The following STK32B variants were observed in gnomAD, a reference collection of about 807,000 sequenced individuals.
STK32B encodes the protein serine/threonine kinase 32B, also known as serine/threonine-protein kinase 32B.
A neutral mutation model predicts 52.6 loss-of-function variants in STK32B; 43 were observed. The ratio of observed to expected loss-of-function variants is 0.82; its 90% CI spans 0.64 to 1.05. The LOEUF (loss-of-function observed/expected upper bound fraction) is 1.05. STK32B is among the 50% of genes least tolerant of loss of function. The probability of loss-of-function intolerance (pLI) is 0.00; values close to 1 mark genes in which losing one functional copy is unlikely to be tolerated. For synonymous variants in STK32B, 238 were observed against 204.3 expected, an observed-to-expected ratio of 1.17 and a Z score of -1.41; for missense variants, 621 against 534.6, an observed-to-expected ratio of 1.16 and a Z score of -1.59.
Position 5,051,876 on chromosome 4 carries a change from C to A in STK32B, c.13C>A (p.His5Asn). Residue 5 changes from histidine to asparagine, a missense_variant, in exon 1 of 12, where the codon CAC becomes AAC. Transcript: ENST00000282908. ...GCAACGGCGGAATATGGGCGGGAAC[C>A]ACTCCCACAAGCCCCCCGTGTTTGA... MGGNHSHKPPVFDEN... is the reference protein window; with the variant it reads MGGNNSHKPPVFDEN... The A allele has an allele frequency of 1.3e-6, 2 of 1,599,978 alleles. No individual in the cohort carries two copies. The highest frequency in any genetic ancestry group is 1.7e-6 in the Non-Finnish European group (2 of 1,173,802).
intron 1 of STK32B, among the ~76,000 whole-genome samples, chr4:5,055,734 C>T (rs77500452): frequency 0.012 from 1,764 of 152,232 alleles, 30 homozygotes; most frequent in African/African-American, 0.04. Context: ...GGCACCTGCC[C>T]CTCTTGCCCG....
chr4:5,159,566 A>AAT (rs1274132084), intron 2 of STK32B, among the ~76,000 whole-genome samples: 3 of 69,162 alleles, frequency 4.3e-5, no homozygotes, highest in East Asian at 9.1e-4. Flanking sequence ...TATATGAATG[A>AAT]ATATATATGA....
chr4:5,231,100 C>T (rs183528702), intron 3 of STK32B, among the ~76,000 whole-genome samples: 344 of 152,198 alleles, frequency 2.3e-3, no homozygotes, highest in Non-Finnish European at 3.9e-3. Flanking sequence ...GAGGACCCCA[C>T]TGCATGTGAG....
intron 4 of STK32B, among the ~76,000 whole-genome samples, chr4:5,338,241 C>G (rs765062728): frequency 1.6e-4 from 24 of 152,090 alleles, no homozygotes; most frequent in Non-Finnish European, 3.4e-4. Context: ...CAGAAACAAA[C>G]ACAGCAAAAT....
At chr4:5,348,479 G>A (rs1733610219) in intron 4 of STK32B, among the ~76,000 whole-genome samples, 1 of 152,158 alleles carries the variant, frequency 6.6e-6, no homozygotes, top group African/African-American at 2.4e-5. Flanking sequence ...AACCAAGGAG[G>A]GAGCAACTGG....
chr4:5,444,694 A>G (rs761720842), intron 6 of STK32B, among the ~76,000 whole-genome samples: 3 of 152,246 alleles, frequency 2.0e-5, no homozygotes, highest in Non-Finnish European at 4.4e-5. Context: ...TGGAGCACTC[A>G]CTACGGGCCA....
intron 4 of STK32B, among the ~76,000 whole-genome samples, chr4:5,382,021 C>T (rs1014032135): frequency 6.6e-6 from 1 of 152,190 alleles, no homozygotes; most frequent in Non-Finnish European, 1.5e-5. Context: ...AATCCAAAGG[C>T]CATCTGCTGG....
chr4:5,385,878 C>T (rs1736215963), intron 4 of STK32B, among the ~76,000 whole-genome samples: 1 of 151,032 alleles, frequency 6.6e-6, no homozygotes, highest in South Asian at 2.1e-4. Context: ...CACCTACAAC[C>T]TCACCCACAG....
chr4:5,233,921 T>C (rs1394964565), intron 3 of STK32B, among the ~76,000 whole-genome samples: 1 of 152,030 alleles, frequency 6.6e-6, no homozygotes, highest in Admixed American at 6.6e-5. Context: ...GGAAATGAGA[T>C]GGCCGGAGTG....
chr4:5,268,533 GGT>G (rs200867233), intron 3 of STK32B, among the ~76,000 whole-genome samples: 8 of 136,964 alleles, frequency 5.8e-5, no homozygotes, highest in Admixed American at 1.6e-4. Context: ...GAAGTTGCTT[GGT>G]GTGGTGTGTG....
intron 3 of STK32B, among the ~76,000 whole-genome samples, chr4:5,275,189 C>A (rs1230581669): frequency 6.6e-6 from 1 of 151,964 alleles, no homozygotes; most frequent in South Asian, 2.1e-4. Flanking sequence ...GGAGCAAGGA[C>A]CCCCCCAGTT....
intron 6 of STK32B, among the ~76,000 whole-genome samples, chr4:5,444,667 G>A (rs937136098): frequency 3.3e-5 from 5 of 152,200 alleles, no homozygotes; most frequent in African/African-American, 1.2e-4. Context: ...TTGACTGTTA[G>A]TAATGCCTAA....
intron 11 of STK32B, among the ~76,000 whole-genome samples, chr4:5,481,323 C>G (rs959825144): frequency 6.6e-6 from 1 of 152,188 alleles, no homozygotes; most frequent in African/African-American, 2.4e-5. Flanking sequence ...TTGCATTTCT[C>G]TGATGGCCAG....
At chr4:5,217,202 T>G (rs1723231559) in intron 3 of STK32B, among the ~76,000 whole-genome samples, 2 of 152,208 alleles carry the variant, frequency 1.3e-5, no homozygotes. Context: ...CTAAAATGAT[T>G]TAGAGGAGGC....
intron 4 of STK32B, among the ~76,000 whole-genome samples, chr4:5,391,202 T>C (rs1736577987): frequency 2.0e-5 from 3 of 151,948 alleles, no homozygotes; most frequent in Non-Finnish European, 4.4e-5. Flanking sequence ...CCTCATGATC[T>C]ACCTGCCTTG....
intron 3 of STK32B, among the ~76,000 whole-genome samples, chr4:5,243,810 G>T (rs1184495625): frequency 1.3e-5 from 2 of 152,054 alleles, no homozygotes; most frequent in African/African-American, 4.8e-5. Context: ...TTTTGTCAAA[G>T]GCCTTTTCTG....
chr4:5,317,176 TA>T (rs1428574579), intron 3 of STK32B, among the ~76,000 whole-genome samples: 28 of 49,744 alleles, frequency 5.6e-4, no homozygotes, highest in African/African-American at 3.0e-3. Flanking sequence ...ATATAACATA[TA>T]ATATATATAT....
chr4:5,187,378 C>G lies in STK32B; in HGVS notation c.260+18928C>G, dbSNP rs148219828. Among the ~76,000 whole-genome samples, 628 of 152,310 alleles carry G rather than the reference C, an allele frequency of 4.1e-3. 3 individuals are homozygous for G. Among genetic ancestry groups the G allele is most frequent in the African/African-American group, 0.014 (574 of 41,566 alleles). ...AGTACCAGTACCATTTGTCCATCACCTACAGCACATGGCTCTTTGCATATT... is the reference window on the plus strand; with the variant it reads ...AGTACCAGTACCATTTGTCCATCACGTACAGCACATGGCTCTTTGCATATT... On this transcript the variant is annotated intron_variant, in intron 3 of 11. Transcript: ENST00000282908.
intron 3 of STK32B, 47 bp downstream of exon 3, chr4:5,168,497 G>A: frequency 6.4e-7 from 1 of 1,561,342 alleles, no homozygotes; most frequent in Non-Finnish European, 8.7e-7. Flanking sequence ...CCTGTGGGGA[G>A]CCAAATGCAA....
Sources: allele counts gnomAD v4.1 joint callset (sites outside exome capture counted in the v4.1 genomes callset), GRCh38; gene constraint gnomAD v4.1.1; transcripts MANE v1.5; gene names NCBI Gene and HGNC (gene_info 2026-07-23, HGNC 2026-07-21).